Variants in PCDHGA6 observed in about 807,000 individuals in gnomAD.
PCDHGA6 encodes the protein protocadherin gamma subfamily A, 6, also known as protocadherin gamma-A6.
A neutral mutation model predicts 60.6 loss-of-function variants in PCDHGA6; 41 were observed. The ratio of observed to expected loss-of-function variants is 0.68; its 90% CI spans 0.53 to 0.88. The LOEUF (loss-of-function observed/expected upper bound fraction) is 0.88, where lower values mean the gene tolerates loss of function less well. PCDHGA6 is among the 40% of genes least tolerant of loss of function. The probability of loss-of-function intolerance (pLI) is 0.00; values close to 1 mark genes in which losing one functional copy is unlikely to be tolerated. For synonymous variants in PCDHGA6, 594 were observed against 524.4 expected (o/e 1.13, Z -1.81); for missense variants, 1,312 against 1,203.0 (o/e 1.09, Z -1.34).
At chr5:141,420,218 C>T (rs762476625) in intron 1 of PCDHGA6, 11 of 1,608,290 alleles carry the variant, frequency 6.8e-6, no homozygotes, top group Admixed American at 1.7e-5. Flanking sequence ...AGATAGCATG[C>T]TACTGGCTAG....
rs779801370 is a variant in PCDHGA6 at position 141,374,388 on chromosome 5, G to T, written c.305G>T (p.Cys102Phe). Residue 102 changes from cysteine (C) to phenylalanine (F), a missense_variant, in exon 1 of 4, where the codon TGT (cysteine) becomes TTT (phenylalanine). By Grantham distance (205) the Cys-to-Phe change is radical. Transcript: ENST00000517434. ...REELCAQSPR[C>F]LVSFNILVED... is the part of the protein sequence containing the mutation. ...GAGCTCTGTGCTCAGAGCCCGCGGT[G>T]TCTGGTGAGTTTTAACATCCTTGTC... is the stretch of plus-strand genomic sequence containing the variant. The T allele has an allele frequency of 1.9e-6, 3 of 1,614,044 alleles. No individual in the cohort carries two copies. The highest frequency in any genetic ancestry group is 2.5e-6 in the Non-Finnish European group (3 of 1,179,906).
intron 1 of PCDHGA6, chr5:141,398,831 C>T: frequency 6.2e-7 from 1 of 1,614,014 alleles, no homozygotes; most frequent in South Asian, 1.1e-5. Context: ...GTAACCGACG[C>T]CAATGATAAT....
At chr5:141,480,781 G>A (rs2099525581) in intron 1 of PCDHGA6, among the ~76,000 whole-genome samples, 1 of 152,174 alleles carries the variant, frequency 6.6e-6, no homozygotes, top group Admixed American at 6.5e-5. Flanking sequence ...CTAATGTGCA[G>A]ACAAATTTGA....
At position 141,511,963 on chromosome 5, in the gene PCDHGA6, AGT is replaced by A. The variant is rs1204123000; in HGVS notation, c.*796_*797del. On this transcript the variant is annotated 3_prime_UTR_variant, in exon 4 of 4. Transcript: ENST00000517434. ...ATGGGGTGGTAAGATAAGGAAGGGA[AGT>A]GTGTGGATGTGGATGGTGGGGGCAT... 1 of 153,636 alleles carries A rather than the reference AGT, an allele frequency of 6.5e-6. No individual in the cohort carries two copies. 9.5% of individuals were successfully genotyped at this position (153,636 alleles called of 1,614,324 possible).
Position 141,478,120 on chromosome 5 carries a change from G to A in PCDHGA6, c.2425-16687G>A, listed in dbSNP as rs772548778. 3.1e-6 allele frequency: 5 copies of A among 1,613,948 alleles called. No homozygotes were observed. In the Admixed American group the frequency reaches 6.7e-5, roughly 22 times the overall value. ...CTACCCTCACTGTGTCAGTAACCGA[G>A]GACTCTCCTGAAGCCCGAGCCGAGT... On this transcript the variant is annotated intron_variant, in intron 1 of 3. Coordinates refer to ENST00000517434, the MANE Select transcript of PCDHGA6 (RefSeq NM_018919.3).
At chr5:141,478,665 A>G (rs749063178) in intron 1 of PCDHGA6, 88 of 1,551,690 alleles carry the variant, frequency 5.7e-5, no homozygotes, top group Non-Finnish European at 3.7e-5. Flanking sequence ...ATGCATTCAC[A>G]CTTTCAACTG....
At chr5:141,409,808 G>C in intron 1 of PCDHGA6, 2 of 1,611,624 alleles carry the variant, frequency 1.2e-6, no homozygotes, top group East Asian at 2.2e-5. Context: ...GCAGGCCCGC[G>C]ACCACGGCTC....
At chr5:141,469,259 A>G (rs1263722797) in intron 1 of PCDHGA6, among the ~76,000 whole-genome samples, 1 of 151,822 alleles carries the variant, frequency 6.6e-6, no homozygotes, top group Admixed American at 6.6e-5. Flanking sequence ...CTTGGGCAAC[A>G]GAGCAAGACC....
chr5:141,419,137 C>G, intron 1 of PCDHGA6: 2 of 1,613,892 alleles, frequency 1.2e-6, no homozygotes, highest in Non-Finnish European at 1.7e-6. Context: ...CAGCCACAGA[C>G]AGGGGCAAGC....
Position 141,490,849 on chromosome 5 carries a change from C to T in PCDHGA6, c.2425-3958C>T, listed in dbSNP as rs200640560. The stretch of plus-strand genomic sequence containing the variant: ...GATGCTGCAGATTGTGGTGGGGGTT[C>T]GAGACTCCGGCTCTCCCCCATTGCA... On this transcript the variant is annotated intron_variant, in intron 1 of 3. Coordinates refer to ENST00000517434, the MANE Select transcript of PCDHGA6 (RefSeq NM_018919.3). This position sits in a 1 kb window ranked among gnomAD's most constrained non-coding sequence, Gnocchi z 5.4. The T allele has an allele frequency of 1.3e-5, 21 of 1,613,748 alleles. No individual in the cohort carries two copies. Among genetic ancestry groups the T allele is most frequent in the Admixed American group, 1.7e-5 (1 of 60,022 alleles).
At chr5:141,412,084 G>C (rs1199665555) in intron 1 of PCDHGA6, 1 of 152,170 alleles carries the variant, frequency 6.6e-6, no homozygotes, top group East Asian at 1.9e-4. Flanking sequence ...ATTGCTACTG[G>C]GTTGATGGGC....
Position 141,383,402 on chromosome 5 carries a change from A to T in PCDHGA6, c.2424+6895A>T, listed in dbSNP as rs757890929. 4.3e-6 allele frequency: 7 copies of T among 1,614,034 alleles called. No individual in the cohort carries two copies. In the Admixed American group the frequency reaches 8.3e-5, roughly 19 times the overall value. The stretch of plus-strand genomic sequence containing the variant: ...CCAGATGTGGGCACGAACTCCCTCC[A>T]GAGTTACCAGCTCAGCCCCAATCGC... On this transcript the variant is annotated intron_variant, in intron 1 of 3. Transcript: ENST00000517434.
At chr5:141,381,989 C>G (rs1013941230) in intron 1 of PCDHGA6, among the ~76,000 whole-genome samples, 13 of 151,916 alleles carry the variant, frequency 8.6e-5, no homozygotes, top group Admixed American at 7.2e-4. Flanking sequence ...GCCACCACGC[C>G]CGGATAATTT....
chr5:141,404,796 G>T, intron 1 of PCDHGA6: 1 of 1,613,970 alleles, frequency 6.2e-7, no homozygotes, highest in Non-Finnish European at 8.5e-7. Flanking sequence ...AGTGAGCCAG[G>T]GCTCTTCTCG....
intron 2 of PCDHGA6, among the ~76,000 whole-genome samples, chr5:141,501,536 G>A (rs570102957): frequency 5.9e-5 from 9 of 152,054 alleles, no homozygotes; most frequent in African/African-American, 2.2e-4. Context: ...GTACGTTGTT[G>A]TGCATAAGAT....
chr5:141,393,657 C>G, intron 1 of PCDHGA6: 1 of 1,613,862 alleles, frequency 6.2e-7, no homozygotes, highest in Non-Finnish European at 8.5e-7. Context: ...ATACAAATTC[C>G]GGAAAATTAA....
chr5:141,465,778 A>G (rs544366126), intron 1 of PCDHGA6, among the ~76,000 whole-genome samples: 1 of 148,538 alleles, frequency 6.7e-6, no homozygotes, highest in East Asian at 1.9e-4. Context: ...CTCTTGTTAC[A>G]GTTTTTTTTT....
At chr5:141,478,283 T>C (rs755297808) in intron 1 of PCDHGA6, 2 of 1,614,148 alleles carry the variant, frequency 1.2e-6, no homozygotes, top group South Asian at 2.2e-5. Context: ...GTGGAAGCAG[T>C]CTAGAGACCT....
At chr5:141,430,928 C>A in intron 1 of PCDHGA6, 1 of 1,607,098 alleles carries the variant, frequency 6.2e-7, no homozygotes, top group Non-Finnish European at 8.5e-7. Context: ...GCTGGAGCCC[C>A]GGGAGCTCGC....
Sources: gnomAD v4.1 joint callset for allele counts (sites outside exome capture counted in the v4.1 genomes callset) on GRCh38, gnomAD v4.1.1 for gene constraint, Gnocchi (gnomAD v3.1) non-coding constraint, MANE v1.5 for transcripts, NCBI Gene and HGNC (gene_info 2026-07-23, HGNC 2026-07-21) for gene names.